EAPP: variants seen among roughly 807,000 people sequenced by gnomAD.
EAPP encodes E2F-associated phosphoprotein.
In EAPP, 38 loss-of-function variants were observed where a neutral mutation model predicts 34.3. The observed-to-expected ratio is 1.11, with a 90% CI of 0.85 to 1.45. EAPP has a LOEUF of 1.45. Among genes scored for constraint, EAPP ranks in the 40% most tolerant of loss-of-function variants. The pLI, the probability that EAPP is intolerant of heterozygous loss-of-function variation, is 0.00. For missense variants in EAPP, 338 were observed against 343.7 expected, an observed-to-expected ratio of 0.98 and a Z score of 0.13; for synonymous variants, 113 against 117.6, an observed-to-expected ratio of 0.96 and a Z score of 0.25.
chr14:34,538,559 A>T (rs1196086934), intron 1 of EAPP, among the ~76,000 whole-genome samples: 1 of 150,920 alleles, frequency 6.6e-6, no homozygotes, highest in East Asian at 2.0e-4. Context: ...TCCCCATGAC[A>T]ATATGAGGAA....
chr14:34,520,793 C>G (rs2138885442), intron 5 of EAPP, among the ~76,000 whole-genome samples: 1 of 151,984 alleles, frequency 6.6e-6, no homozygotes, highest in East Asian at 1.9e-4. Flanking sequence ...TAAACCACCA[C>G]ACCCAGCCTG....
At chr14:34,521,261 G>T (rs984860002) in intron 5 of EAPP, among the ~76,000 whole-genome samples, 7 of 151,784 alleles carry the variant, frequency 4.6e-5, no homozygotes, top group African/African-American at 1.7e-4. Flanking sequence ...AGTAGAGACA[G>T]GGTTTCACCA....
chr14:34,527,738 T>C (rs1005899964), intron 4 of EAPP, among the ~76,000 whole-genome samples: 3 of 152,134 alleles, frequency 2.0e-5, no homozygotes, highest in African/African-American at 7.2e-5. Context: ...ATCCCATTCA[T>C]AAGAAATATC....
At chr14:34,517,420 GTAT>G (rs965656949) in intron 5 of EAPP, among the ~76,000 whole-genome samples, 9 of 151,040 alleles carry the variant, frequency 6.0e-5, no homozygotes, top group African/African-American at 2.2e-4. Flanking sequence ...GGCTAATTTT[GTAT>G]TTTTTAGTAG....
chr14:34,527,149 C>G (rs1880122438), intron 4 of EAPP, among the ~76,000 whole-genome samples: 1 of 105,552 alleles, frequency 9.5e-6, no homozygotes, highest in African/African-American at 3.6e-5. Context: ...GCCTGGGCAA[C>G]AAGAGCAAAA....
Position 34,537,857 on chromosome 14 carries a change from G to A in EAPP, c.75-1582C>T, listed in dbSNP as rs573022682. Among the ~76,000 whole-genome samples the A allele has an allele frequency of 7.2e-5, 11 of 152,250 alleles. 1 individual carries two copies. In the South Asian group the frequency reaches 2.3e-3, roughly 32 times the overall value. On this transcript the variant is annotated intron_variant, in intron 1 of 5. Coordinates refer to ENST00000250454, the MANE Select transcript of EAPP (RefSeq NM_018453.4). ...AGTCTCATGTCTTCGGTCAGCTACC[G>A]TGAAACAGTTAACAGGCTACAATGT...
At chr14:34,533,975 C>T (rs1041427643) in intron 2 of EAPP, among the ~76,000 whole-genome samples, 1 of 152,174 alleles carries the variant, frequency 6.6e-6, no homozygotes, top group Non-Finnish European at 1.5e-5. Flanking sequence ...GTGCCCAGGA[C>T]CATGACATTA....
chr14:34,532,461 T>C (rs1459545333), intron 3 of EAPP, among the ~76,000 whole-genome samples: 2 of 143,708 alleles, frequency 1.4e-5, no homozygotes, highest in Non-Finnish European at 3.0e-5. Context: ...AAACTCCATC[T>C]CAAAAAAAAA....
intron 4 of EAPP, among the ~76,000 whole-genome samples, chr14:34,528,587 T>C (rs188595344): frequency 6.4e-4 from 96 of 151,064 alleles, no homozygotes; most frequent in African/African-American, 1.9e-3. Flanking sequence ...ATGGCCCCAC[T>C]AATTTTTGTA....
rs1879721456 is a variant in EAPP at position 34,516,424 on chromosome 14, T to G, written c.744A>C (p.Thr248=). The G allele has an allele frequency of 6.2e-7, 1 of 1,614,220 alleles. No individual in the cohort carries two copies. Among genetic ancestry groups the G allele is most frequent in the Non-Finnish European group, 8.5e-7 (1 of 1,180,036 alleles). The change falls in exon 6 of 6, where the codon ACA becomes ACC. Residue 248 remains threonine (T), a synonymous_variant. Transcript: ENST00000250454. ...CTGGGTGATAGATTTCTTCCACATC[T>G]GTCTCTGCCTTCTCGGCAGCATCTT... ...NREDAAEKAE[T]DVEEIYHPVM... is the part of the protein sequence containing the mutation.
chr14:34,526,088 A>C (rs1279101148), intron 4 of EAPP, among the ~76,000 whole-genome samples: 1 of 152,050 alleles, frequency 6.6e-6, no homozygotes, highest in Admixed American at 6.6e-5. Flanking sequence ...CAAGTGTACC[A>C]AAAATAAAAG....
At chr14:34,533,403 T>C in intron 3 of EAPP, 41 bp downstream of exon 3, 1 of 1,504,324 alleles carries the variant, frequency 6.6e-7, no homozygotes, top group Non-Finnish European at 9.2e-7. Flanking sequence ...AAACCTTTTT[T>C]ATAAAATATA....
intron 3 of EAPP, among the ~76,000 whole-genome samples, chr14:34,531,913 A>G (rs2138901048): frequency 6.6e-6 from 1 of 151,234 alleles, no homozygotes; most frequent in East Asian, 2.0e-4. Flanking sequence ...CTTCTCTACT[A>G]AAAATACAAA....
At chr14:34,525,256 A>C (rs1238800957) in intron 4 of EAPP, among the ~76,000 whole-genome samples, 1 of 152,212 alleles carries the variant, frequency 6.6e-6, no homozygotes, top group African/African-American at 2.4e-5. Context: ...CTAGTCCTTA[A>C]GTCTGGGTTG....
At chr14:34,535,853 T>C (rs1880454750) in intron 2 of EAPP, 1 of 384,528 alleles carries the variant, frequency 2.6e-6, no homozygotes, top group South Asian at 3.8e-5. Flanking sequence ...GCTATGATCA[T>C]GCCACTGCAC....
rs1435231977 is a variant in EAPP at position 34,516,314 on chromosome 14, G to A, written c.854C>T (p.Ser285Phe). 3.1e-6 allele frequency: 5 copies of A among 1,609,642 alleles called. No homozygotes were observed. Among genetic ancestry groups the A allele is most frequent in the South Asian group, 1.1e-5 (1 of 90,450 alleles). The stretch of plus-strand genomic sequence containing the variant: ...ATTAAATGCCAGTTGGGCTGTTTAG[G>A]AATGGCTTGCTAAAACATTGAAAAA... ...FHFFNVLASH[S>F] The change falls in exon 6 of 6, where the codon TCC becomes TTC. Residue 285 changes from serine (S) to phenylalanine (F), a missense_variant. Physicochemically the swap from Ser to Phe is radical, Grantham distance 155. Transcript: ENST00000250454.
chr14:34,530,870 C>G (rs554269328), intron 3 of EAPP, among the ~76,000 whole-genome samples: 1 of 120,206 alleles, frequency 8.3e-6, no homozygotes, highest in East Asian at 2.4e-4. Flanking sequence ...AATTTGACAC[C>G]AGCCTAAGCA....
At chr14:34,518,483 G>A (rs1355581020) in intron 5 of EAPP, among the ~76,000 whole-genome samples, 5 of 151,614 alleles carry the variant, frequency 3.3e-5, no homozygotes, top group Non-Finnish European at 5.9e-5. Context: ...ACAGGCACCC[G>A]CCATCATGCC....
rs1313497251 is a variant in EAPP, at chr14:34,516,102, G to A, written c.*208C>T. ...TTCATCAAAAACAGAATGAATATCA[G>A]TCCCATCAATAAGGGGGAAAATCAA... On this transcript the variant is annotated 3_prime_UTR_variant, in exon 6 of 6. Coordinates refer to ENST00000250454, the MANE Select transcript of EAPP (RefSeq NM_018453.4). 3 of 481,356 alleles carry A rather than the reference G, an allele frequency of 6.2e-6. No individual in the cohort carries two copies. The highest frequency in any genetic ancestry group is 1.1e-5 in the Non-Finnish European group (3 of 277,662). The allele number at this position is 481,356 out of a possible 1,614,324, so 29.8% of individuals were successfully genotyped here. A position where few individuals can be genotyped will look rare whatever the true frequency, so the allele number is the denominator to read the frequency against.
Sources: allele counts gnomAD v4.1 joint callset (sites outside exome capture counted in the v4.1 genomes callset), GRCh38; gene constraint gnomAD v4.1.1; transcripts MANE v1.5; gene names NCBI Gene and HGNC (gene_info 2026-07-23, HGNC 2026-07-21).